Variants in KLF12 observed in about 807,000 individuals in gnomAD.
The protein encoded by KLF12 is KLF transcription factor 12.
Under a neutral mutation model 37.8 loss-of-function variants are expected in KLF12, and 9 were observed. The ratio of observed to expected loss-of-function variants is 0.24; its 90% CI spans 0.14 to 0.42. The LOEUF is 0.42. Among genes scored for constraint, KLF12 ranks in the 10% least tolerant of loss-of-function variants. The pLI, the probability that KLF12 is intolerant of heterozygous loss-of-function variation, is 1.00. For missense variants in KLF12, 411 were observed against 516.0 expected (o/e 0.80, Z 1.97); for synonymous variants, 208 against 202.1 (o/e 1.03, Z -0.25).
chr13:73,989,712 T>C (rs1413135225), intron 2 of KLF12, among the ~76,000 whole-genome samples: 3 of 152,056 alleles, frequency 2.0e-5, no homozygotes, highest in Non-Finnish European at 4.4e-5. Context: ...TGGCAAACAC[T>C]AGCCCCATAT....
chr13:74,030,388 T>C (rs933034832), intron 1 of KLF12, among the ~76,000 whole-genome samples: 2 of 152,144 alleles, frequency 1.3e-5, no homozygotes, highest in Non-Finnish European at 2.9e-5. Flanking sequence ...TCTTTTCCTA[T>C]TCCTGATTCA....
chr13:73,853,463 A>T (rs1594172069), intron 3 of KLF12, among the ~76,000 whole-genome samples: 1 of 152,162 alleles, frequency 6.6e-6, no homozygotes, highest in Admixed American at 6.5e-5. Flanking sequence ...GGTAAGCAGG[A>T]CAGGCGTGGT....
chr13:74,255,707 T>G, the KLF12 span, among the ~76,000 whole-genome samples: 1 of 152,160 alleles, frequency 6.6e-6, no homozygotes, highest in African/African-American at 2.4e-5. Context: ...TAAATAAGAT[T>G]GTTGTATATA....
At chr13:73,865,381 A>G (rs1886122314) in intron 3 of KLF12, among the ~76,000 whole-genome samples, 1 of 152,198 alleles carries the variant, frequency 6.6e-6, no homozygotes, top group African/African-American at 2.4e-5. Flanking sequence ...AGTAGTTTGT[A>G]TTAAATCAAC....
chr13:74,159,689 C>T, the KLF12 span, among the ~76,000 whole-genome samples: 1 of 152,104 alleles, frequency 6.6e-6, no homozygotes, highest in South Asian at 2.1e-4. Context: ...AGTCTCTGCT[C>T]TAAAATTTTT....
At chr13:73,973,996 G>A (rs1470513610) in intron 2 of KLF12, among the ~76,000 whole-genome samples, 1 of 152,152 alleles carries the variant, frequency 6.6e-6, no homozygotes, top group South Asian at 2.1e-4. Context: ...GAAGAGACAT[G>A]ACTAAAAATA....
intron 3 of KLF12, among the ~76,000 whole-genome samples, chr13:73,906,708 C>A (rs1031694636): frequency 6.6e-6 from 1 of 152,258 alleles, no homozygotes; most frequent in Non-Finnish European, 1.5e-5. Context: ...AATGTCCTAC[C>A]TCCTCATCAA....
At chr13:74,022,833 A>G (rs909183366) in intron 1 of KLF12, among the ~76,000 whole-genome samples, 1 of 151,946 alleles carries the variant, frequency 6.6e-6, no homozygotes, top group Non-Finnish European at 1.5e-5. Context: ...GTACAGAAGA[A>G]GGTATTTTGT....
chr13:73,729,285 A>C (rs1876886432), intron 6 of KLF12, among the ~76,000 whole-genome samples: 1 of 152,190 alleles, frequency 6.6e-6, no homozygotes, highest in Non-Finnish European at 1.5e-5. Flanking sequence ...ACACTGTCTA[A>C]AGTTCTCAGG....
chr13:74,089,734 GA>G (rs35019675), intron 1 of KLF12, among the ~76,000 whole-genome samples: 1,192 of 105,628 alleles, frequency 0.011, 7 homozygotes, highest in Non-Finnish European at 0.015. Context: ...ACCATTTATT[GA>G]AAAAAAAAAA....
chr13:74,241,763 A>C, the KLF12 span, among the ~76,000 whole-genome samples: 4 of 151,594 alleles, frequency 2.6e-5, no homozygotes, highest in African/African-American at 9.7e-5. Flanking sequence ...GAACTCCCTG[A>C]CCCCTTCCCA....
chr13:74,150,842 T>A, the KLF12 span, among the ~76,000 whole-genome samples: 1 of 152,170 alleles, frequency 6.6e-6, no homozygotes, highest in Non-Finnish European at 1.5e-5. Context: ...AAGACTCATG[T>A]CCTGGGGTGG....
chr13:74,279,633 A>G, the KLF12 span, among the ~76,000 whole-genome samples: 1 of 152,164 alleles, frequency 6.6e-6, no homozygotes, highest in South Asian at 2.1e-4. Flanking sequence ...TAATGGGAAC[A>G]TCAGTTCTGT....
intron 1 of KLF12, among the ~76,000 whole-genome samples, chr13:74,125,160 T>G (rs1165924505): frequency 8.7e-6 from 1 of 114,542 alleles, no homozygotes; most frequent in South Asian, 2.7e-4. Flanking sequence ...AAAAAATATA[T>G]ATATATACAC....
chr13:74,245,009 A>C, the KLF12 span, among the ~76,000 whole-genome samples: 2 of 152,334 alleles, frequency 1.3e-5, no homozygotes, highest in Admixed American at 1.3e-4. Context: ...AGTCACTCTG[A>C]TGACTCTGAT....
chr13:73,951,086 G>T (rs1393806351), intron 2 of KLF12, among the ~76,000 whole-genome samples: 1 of 152,196 alleles, frequency 6.6e-6, no homozygotes, highest in Non-Finnish European at 1.5e-5. Flanking sequence ...AAGTACATTT[G>T]CAATACAACC....
At chr13:74,019,270 A>G (rs1055047899) in intron 1 of KLF12, among the ~76,000 whole-genome samples, 2 of 152,218 alleles carry the variant, frequency 1.3e-5, no homozygotes, top group African/African-American at 4.8e-5. Context: ...GGTTTTACCA[A>G]AGAGGATTAA....
At chr13:74,241,375 C>T in the KLF12 span, among the ~76,000 whole-genome samples, 16 of 152,168 alleles carry the variant, frequency 1.1e-4, no homozygotes, top group African/African-American at 3.9e-4. Flanking sequence ...TTTAAGTCTG[C>T]AGAGGTTACT....
At chr13:74,218,583 A>C in the KLF12 span, among the ~76,000 whole-genome samples, 2 of 152,126 alleles carry the variant, frequency 1.3e-5, no homozygotes, top group Non-Finnish European at 2.9e-5. Context: ...TTGCCATCGA[A>C]CTCAGGTAAA....
Sources: gnomAD v4.1 joint callset for allele counts (sites outside exome capture counted in the v4.1 genomes callset) on GRCh38, gnomAD v4.1.1 for gene constraint, MANE v1.5 for transcripts, NCBI Gene and HGNC (gene_info 2026-07-23, HGNC 2026-07-21) for gene names.